ASAP1: variants seen among roughly 807,000 people sequenced by gnomAD.
ASAP1 encodes ArfGAP with SH3 domain, ankyrin repeat and PH domain 1, also known as arf-GAP with SH3 domain, ANK repeat and PH domain-containing protein 1.
In ASAP1, 43 loss-of-function variants were observed where a neutral mutation model predicts 145.2. The observed-to-expected ratio is 0.30, with a 90% CI of 0.23 to 0.38. The LOEUF is 0.38. Among genes scored for constraint, ASAP1 ranks in the 10% least tolerant of loss-of-function variants. ASAP1 has a pLI of 1.00. For missense variants in ASAP1, 1,018 were observed against 1,355.3 expected (o/e 0.75, Z 3.91); for synonymous variants, 546 against 515.5 (o/e 1.06, Z -0.80).
intron 23 of ASAP1, among the ~76,000 whole-genome samples, chr8:130,114,516 T>C (rs2097551680): frequency 6.6e-6 from 1 of 152,288 alleles, no homozygotes; most frequent in Admixed American, 6.5e-5. Flanking sequence ...TACTGTACAT[T>C]TTTATACAAC....
intron 3 of ASAP1, among the ~76,000 whole-genome samples, chr8:130,342,764 A>C (rs1030273269): frequency 2.0e-5 from 3 of 151,856 alleles, no homozygotes; most frequent in African/African-American, 7.3e-5. Flanking sequence ...AACAAGTTAA[A>C]GTTGCTTTTG....
At chr8:130,411,086 T>C (rs1235855310) in intron 1 of ASAP1, among the ~76,000 whole-genome samples, 1 of 152,202 alleles carries the variant, frequency 6.6e-6, no homozygotes, top group Non-Finnish European at 1.5e-5. Flanking sequence ...GGTCTCGAAC[T>C]CCTGACCTCA....
intron 3 of ASAP1, among the ~76,000 whole-genome samples, chr8:130,331,137 T>C (rs1352852005): frequency 6.6e-6 from 1 of 152,148 alleles, no homozygotes; most frequent in African/African-American, 2.4e-5. Context: ...CAGGCACACA[T>C]ATTAAATGTC....
At chr8:130,141,303 A>G (rs1050704456) in intron 13 of ASAP1, among the ~76,000 whole-genome samples, 3 of 152,038 alleles carry the variant, frequency 2.0e-5, no homozygotes, top group Non-Finnish European at 2.9e-5. Context: ...TCTCGCACTC[A>G]GCTCCTGTCA....
chr8:130,172,271 T>C (rs964287397), intron 9 of ASAP1, among the ~76,000 whole-genome samples: 4 of 152,182 alleles, frequency 2.6e-5, no homozygotes, highest in African/African-American at 7.2e-5. Flanking sequence ...TTTGAAAAGG[T>C]ATTTCATTTT....
At chr8:130,134,217 GA>G in intron 15 of ASAP1, 78 bp downstream of exon 15, 2 of 1,159,868 alleles carry the variant, frequency 1.7e-6, no homozygotes, top group Non-Finnish European at 2.4e-6. Context: ...CAAATGAAAA[GA>G]AAATGTTGAT....
chr8:130,351,750 A>G (rs1205972928), intron 3 of ASAP1, among the ~76,000 whole-genome samples: 1 of 152,182 alleles, frequency 6.6e-6, no homozygotes, highest in African/African-American at 2.4e-5. Context: ...TAAACCATTC[A>G]TGAGGCATCC....
intron 29 of ASAP1, among the ~76,000 whole-genome samples, chr8:130,057,748 A>G (rs2097407423): frequency 6.6e-6 from 1 of 152,188 alleles, no homozygotes; most frequent in Non-Finnish European, 1.5e-5. Flanking sequence ...GTGCCCGGCC[A>G]GCTCCACGGC....
chr8:130,356,026 T>C (rs1022532646), intron 3 of ASAP1, among the ~76,000 whole-genome samples: 2 of 152,206 alleles, frequency 1.3e-5, no homozygotes, highest in Non-Finnish European at 2.9e-5. Flanking sequence ...GTGACTACAC[T>C]TGCATTATAG....
At chr8:130,235,011 T>A (rs1818131581) in intron 4 of ASAP1, among the ~76,000 whole-genome samples, 1 of 152,170 alleles carries the variant, frequency 6.6e-6, no homozygotes. Flanking sequence ...CCTTAGATGG[T>A]CTCTCCTTTT....
At chr8:130,221,085 T>A (rs1817267390) in intron 4 of ASAP1, among the ~76,000 whole-genome samples, 3 of 151,932 alleles carry the variant, frequency 2.0e-5, no homozygotes, top group Admixed American at 2.0e-4. Flanking sequence ...AATACGAAAA[T>A]TAGCCAGGCA....
chr8:130,096,307 GA>G (rs2097517758), intron 24 of ASAP1, among the ~76,000 whole-genome samples: 1 of 152,064 alleles, frequency 6.6e-6, no homozygotes, highest in Non-Finnish European at 1.5e-5. Flanking sequence ...GTTCAGTCAG[GA>G]AAAAAGCAAT....
intron 3 of ASAP1, among the ~76,000 whole-genome samples, chr8:130,321,008 C>T (rs1180852439): frequency 6.6e-6 from 1 of 152,178 alleles, no homozygotes; most frequent in Non-Finnish European, 1.5e-5. Flanking sequence ...TTTATCTCAT[C>T]CCAAATATAT....
chr8:130,258,804 A>G (rs1309820958), intron 3 of ASAP1, among the ~76,000 whole-genome samples: 1 of 152,168 alleles, frequency 6.6e-6, no homozygotes, highest in Non-Finnish European at 1.5e-5. Context: ...TTGGGTTCTT[A>G]CAGTAAATAG....
chr8:130,131,153 AAAACAAACAAACAAAC>A (rs149995760), intron 15 of ASAP1, among the ~76,000 whole-genome samples: 4 of 149,190 alleles, frequency 2.7e-5, no homozygotes, highest in South Asian at 2.1e-4. Flanking sequence ...CAAGACTCTG[AAAACAAACAAACAAAC>A]AAACAAACAA....
chr8:130,369,774 A>C (rs528987604), intron 2 of ASAP1, among the ~76,000 whole-genome samples: 1 of 152,218 alleles, frequency 6.6e-6, no homozygotes, highest in Non-Finnish European at 1.5e-5. Flanking sequence ...GCTGGTAGGA[A>C]TGTAAAATGG....
intron 3 of ASAP1, among the ~76,000 whole-genome samples, chr8:130,274,997 C>T (rs1820795622): frequency 6.6e-6 from 1 of 152,218 alleles, no homozygotes; most frequent in South Asian, 2.1e-4. Flanking sequence ...GACTGTAGCT[C>T]CATATTCAAC....
intron 12 of ASAP1, among the ~76,000 whole-genome samples, chr8:130,153,305 A>C (rs2097650527): frequency 6.8e-6 from 1 of 146,268 alleles, no homozygotes; most frequent in African/African-American, 2.6e-5. Context: ...GGTGTGAGCC[A>C]CAGCACCTGG....
chr8:130,274,215 T>C (rs963642927), intron 3 of ASAP1, among the ~76,000 whole-genome samples: 2 of 152,154 alleles, frequency 1.3e-5, no homozygotes, highest in Non-Finnish European at 2.9e-5. Context: ...CAGCAAGCCT[T>C]GAAATTATTA....
Sources: allele counts gnomAD v4.1 joint callset (sites outside exome capture counted in the v4.1 genomes callset), GRCh38; gene constraint gnomAD v4.1.1; transcripts MANE v1.5; gene names NCBI Gene and HGNC (gene_info 2026-07-23, HGNC 2026-07-21).